Variants in ROBO2 observed in about 807,000 individuals in gnomAD.
ROBO2 encodes the protein roundabout guidance receptor 2.
In ROBO2, 53 loss-of-function variants were observed where a neutral mutation model predicts 160.8. The ratio of observed to expected loss-of-function variants is 0.33; its 90% CI spans 0.26 to 0.41. The LOEUF is 0.41. Among genes scored for constraint, ROBO2 ranks in the 10% least tolerant of loss-of-function variants. ROBO2 has a pLI of 1.00. For missense variants in ROBO2, 1,577 were observed against 1,722.4 expected (o/e 0.92, Z 1.49); for synonymous variants, 664 against 611.7 (o/e 1.09, Z -1.26).
intron 2 of ROBO2, among the ~76,000 whole-genome samples, chr3:76,615,048 C>T (rs1456160395): frequency 2.6e-5 from 4 of 151,994 alleles, no homozygotes; most frequent in Admixed American, 6.6e-5. Flanking sequence ...TTTAGACATC[C>T]GGAATTTCTA....
intron 2 of ROBO2, among the ~76,000 whole-genome samples, chr3:77,032,635 C>T (rs541623365): frequency 3.3e-5 from 5 of 152,018 alleles, no homozygotes; most frequent in Non-Finnish European, 7.4e-5. Flanking sequence ...TACCAAACTT[C>T]GATAATTTGA....
intron 2 of ROBO2, among the ~76,000 whole-genome samples, chr3:76,023,871 C>A (rs1292219973): frequency 6.6e-6 from 1 of 151,356 alleles, no homozygotes; most frequent in African/African-American, 2.4e-5. Context: ...TGCAATAAAA[C>A]AAGGTACGCT....
chr3:77,277,157 C>CTTCTTTCCTTCTTTCTTTCTTTCT (rs1553882840), intron 2 of ROBO2, among the ~76,000 whole-genome samples: 14 of 88,208 alleles, frequency 1.6e-4, no homozygotes, highest in Non-Finnish European at 2.8e-4. Context: ...TCCTTCTTTC[C>CTTCTTTCCTTCTTTCTTTCTTTCT]TTCTTTCTTT....
intron 2 of ROBO2, among the ~76,000 whole-genome samples, chr3:76,268,245 G>A (rs967146473): frequency 6.6e-6 from 1 of 152,070 alleles, no homozygotes; most frequent in Non-Finnish European, 1.5e-5. Context: ...ACCCCATCCT[G>A]GGCAGCAGAG....
At chr3:76,494,473 G>A (rs892221450) in intron 2 of ROBO2, among the ~76,000 whole-genome samples, 7 of 152,124 alleles carry the variant, frequency 4.6e-5, no homozygotes, top group Admixed American at 2.0e-4. Context: ...TACGGGGGGA[G>A]GCTAAAGGAA....
At chr3:76,664,380 T>A (rs1200517327) in intron 2 of ROBO2, among the ~76,000 whole-genome samples, 1 of 152,148 alleles carries the variant, frequency 6.6e-6, no homozygotes, top group African/African-American at 2.4e-5. Flanking sequence ...GGAAGAATCA[T>A]GTGCCTACTT....
At chr3:76,723,545 C>T (rs868100385) in intron 2 of ROBO2, among the ~76,000 whole-genome samples, 1 of 152,126 alleles carries the variant, frequency 6.6e-6, no homozygotes, top group African/African-American at 2.4e-5. Flanking sequence ...ATTCTCCCAG[C>T]CTCCTATTAT....
intron 2 of ROBO2, among the ~76,000 whole-genome samples, chr3:77,112,347 G>A (rs1315180849): frequency 1.3e-5 from 2 of 151,820 alleles, no homozygotes; most frequent in Admixed American, 1.3e-4. Flanking sequence ...GGATTCAAGC[G>A]ATTCACCTGC....
intron 2 of ROBO2, among the ~76,000 whole-genome samples, chr3:76,141,060 C>CATTATATATATATATATAT (rs1553656031): frequency 1.9e-5 from 1 of 53,578 alleles, no homozygotes; most frequent in African/African-American, 7.0e-5. Context: ...TTTTTACATA[C>CATTATATATATATATATAT]ATATATATAT....
intron 2 of ROBO2, among the ~76,000 whole-genome samples, chr3:76,081,883 TAAAGG>T (rs1295812009): frequency 1.3e-5 from 2 of 151,052 alleles, no homozygotes; most frequent in East Asian, 1.9e-4. Flanking sequence ...AAAGAAAAGA[TAAAGG>T]AAAACCCCAA....
intron 2 of ROBO2, among the ~76,000 whole-genome samples, chr3:76,010,283 A>ATACGT (rs1559828937): frequency 6.6e-6 from 1 of 152,240 alleles, no homozygotes; most frequent in Non-Finnish European, 1.5e-5. Context: ...GGACCAGAAT[A>ATACGT]TACGTTACTG....
At position 76,720,872 on chromosome 3, in the gene ROBO2, G is replaced by A. The variant is rs114189697; in HGVS notation, c.110-377142G>A. 9.4e-3 allele frequency among the ~76,000 whole-genome samples: 1,430 copies of A among 152,186 alleles called. 28 individuals carry two copies. Among genetic ancestry groups the A allele is most frequent in the African/African-American group, 0.033 (1,354 of 41,516 alleles). On this transcript the variant is annotated intron_variant, in intron 2 of 26. Transcript: ENST00000487694. ...ATTTTGTTTGTCAACTAGATTTCTT[G>A]GCACAACAATCAAATTCTGATAATA...
intron 2 of ROBO2, among the ~76,000 whole-genome samples, chr3:77,395,447 G>A (rs1047015201): frequency 2.0e-5 from 3 of 152,126 alleles, no homozygotes; most frequent in Non-Finnish European, 2.9e-5. Context: ...ATTAGAAGGA[G>A]TCAGAATATG....
chr3:76,342,869 C>A (rs2074313218), intron 2 of ROBO2, among the ~76,000 whole-genome samples: 1 of 152,030 alleles, frequency 6.6e-6, no homozygotes, highest in Admixed American at 6.6e-5. Flanking sequence ...ATGAAATCAT[C>A]ATTTCTATTA....
chr3:77,020,004 G>A (rs559490634), intron 2 of ROBO2, among the ~76,000 whole-genome samples: 72 of 152,214 alleles, frequency 4.7e-4, no homozygotes, highest in African/African-American at 1.6e-3. Flanking sequence ...GTTTAATTGA[G>A]ACACTGTATA....
intron 2 of ROBO2, among the ~76,000 whole-genome samples, chr3:76,063,511 T>C (rs1488832698): frequency 1.3e-5 from 2 of 151,040 alleles, no homozygotes; most frequent in East Asian, 4.0e-4. Context: ...ACATGACCAA[T>C]TTTATTTTTT....
chr3:75,968,470 T>A lies in ROBO2; in HGVS notation c.109+30868T>A, dbSNP rs146917928. Among the ~76,000 whole-genome samples, 272 of 151,722 alleles carry A rather than the reference T, an allele frequency of 1.8e-3. 5 individuals carry two copies. The highest frequency in any genetic ancestry group is 6.1e-3 in the African/African-American group (254 of 41,492). On this transcript the variant is annotated intron_variant, in intron 2 of 26. Coordinates refer to the ROBO2 transcript ENST00000487694. ...TAAGTTTTGATAACCTACATTTTAG[T>A]TTATTTACTTATTTTCATGGTACAT... is the stretch of plus-strand genomic sequence containing the variant.
chr3:76,229,820 A>T (rs1170502171), intron 2 of ROBO2, among the ~76,000 whole-genome samples: 1 of 152,188 alleles, frequency 6.6e-6, no homozygotes, highest in Non-Finnish European at 1.5e-5. Context: ...ACAACTAGAA[A>T]CATCAACCAA....
chr3:76,316,493 G>C (rs137947428), intron 2 of ROBO2, among the ~76,000 whole-genome samples: 1 of 151,974 alleles, frequency 6.6e-6, no homozygotes, highest in African/African-American at 2.4e-5. Flanking sequence ...CCTTATGGTC[G>C]TCTTCCCTTG....
Sources: allele counts gnomAD v4.1 joint callset (sites outside exome capture counted in the v4.1 genomes callset), GRCh38; gene constraint gnomAD v4.1.1; transcripts MANE v1.5; gene names NCBI Gene and HGNC (gene_info 2026-07-23, HGNC 2026-07-21).